Variants in IL17RD observed in about 807,000 individuals in gnomAD.
IL17RD encodes the protein interleukin-17 receptor D.
IL17RD carries 52 observed loss-of-function variants against 80.5 expected under a neutral mutation model. The observed-to-expected ratio is 0.65, with a 90% CI of 0.52 to 0.81. IL17RD has a LOEUF of 0.81. Ranked by LOEUF, IL17RD falls within the 40% of genes least tolerant of loss-of-function variation. The probability of loss-of-function intolerance (pLI) is 0.00; values close to 1 mark genes in which losing one functional copy is unlikely to be tolerated. For synonymous variants in IL17RD, 416 were observed against 391.8 expected, an observed-to-expected ratio of 1.06 and a Z score of -0.73; for missense variants, 1,024 against 955.1, an observed-to-expected ratio of 1.07 and a Z score of -0.95.
At chr3:57,121,819 A>G (rs1039045605) in intron 1 of IL17RD, among the ~76,000 whole-genome samples, 3 of 152,050 alleles carry the variant, frequency 2.0e-5, no homozygotes, top group African/African-American at 7.2e-5. Flanking sequence ...AGACAATCCA[A>G]TCCCCCAAGA....
In IL17RD at chr3:57,103,105, T is replaced by A. The variant is rs755606473; in HGVS notation, c.854A>T (p.Tyr285Phe). The A allele has an allele frequency of 6.2e-7, 1 of 1,601,788 alleles. No homozygotes were observed. The highest frequency in any genetic ancestry group is 8.5e-7 in the Non-Finnish European group (1 of 1,173,464). Reference sequence around the variant, plus strand: ...AAAGCACCTACCTGGCTTTAAGGCATAATGCATCACTTTTCTTGTTGTGTT... The same window carrying A: ...AAAGCACCTACCTGGCTTTAAGGCAAAATGCATCACTTTTCTTGTTGTGTT... The part of the protein sequence containing the change: ...DTNTTRKVMH[Y>F]ALKPVHSPWA... Residue 285 changes from tyrosine to phenylalanine, a missense_variant, in exon 9 of 13, where the codon TAT (tyrosine) becomes TTT (phenylalanine). Physicochemically the swap from Tyr to Phe is conservative, Grantham distance 22 (BLOSUM62 3). Transcript: ENST00000296318.
intron 1 of IL17RD, among the ~76,000 whole-genome samples, chr3:57,159,553 G>A (rs1441432241): frequency 1.3e-5 from 2 of 152,174 alleles, no homozygotes; most frequent in Admixed American, 1.3e-4. Context: ...AAGCAGCCAA[G>A]ACAAACACTG....
At chr3:57,122,877 G>A (rs1707371534) in intron 1 of IL17RD, among the ~76,000 whole-genome samples, 1 of 151,374 alleles carries the variant, frequency 6.6e-6, no homozygotes, top group Non-Finnish European at 1.5e-5. Context: ...ATGCTCCCTA[G>A]TGCATAGGGA....
intron 1 of IL17RD, among the ~76,000 whole-genome samples, chr3:57,147,193 A>T (rs934386686): frequency 6.6e-6 from 1 of 152,122 alleles, no homozygotes. Flanking sequence ...TGATAAAAAG[A>T]CTGCAGCCAG....
chr3:57,165,464 AC>A (rs1407974490), upstream of IL17RD: 1 of 214,362 alleles, frequency 4.7e-6, no homozygotes, highest in African/African-American at 1.4e-4. Flanking sequence ...CCCCGCCCCC[AC>A]AGCCTGGCCC....
At chr3:57,108,145 C>T (rs1480211440) in intron 5 of IL17RD, among the ~76,000 whole-genome samples, 3 of 151,794 alleles carry the variant, frequency 2.0e-5, no homozygotes, top group African/African-American at 4.8e-5. Flanking sequence ...CTGCAACCTC[C>T]GCCTCCCGAG....
chr3:57,161,494 A>T (rs2060304728), intron 1 of IL17RD, among the ~76,000 whole-genome samples: 1 of 152,232 alleles, frequency 6.6e-6, no homozygotes, highest in South Asian at 2.1e-4. Context: ...TGTAAAGATG[A>T]TGCCAGCATC....
intron 1 of IL17RD, among the ~76,000 whole-genome samples, chr3:57,163,508 CA>C (rs1328420760): frequency 6.6e-6 from 1 of 151,514 alleles, no homozygotes; most frequent in African/African-American, 2.4e-5. Context: ...GCAACTGCAG[CA>C]AAACAGTGAA....
At chr3:57,146,784 T>TA (rs1185136802) in intron 1 of IL17RD, among the ~76,000 whole-genome samples, 1 of 145,224 alleles carries the variant, frequency 6.9e-6, no homozygotes, top group Non-Finnish European at 1.5e-5. Flanking sequence ...AAAAATTATA[T>TA]AAACGTCAAT....
Position 57,091,356 on chromosome 3 carries a change from CAAAT to C in IL17RD, c.*5033_*5036del, listed in dbSNP as rs1025345970. The C allele has an allele frequency of 1.3e-5, 2 of 152,344 alleles. No homozygotes were observed. The highest frequency in any genetic ancestry group is 2.4e-5 in the African/African-American group (1 of 41,268). The allele number at this position is 152,344 out of a possible 1,614,324, so 9.4% of individuals were successfully genotyped here. A position where few individuals can be genotyped will look rare whatever the true frequency, so the allele number is the denominator to read the frequency against. ...ATCATCAGGGGAAAAATGTGGCAGT[CAAAT>C]AATTCTCAATGAATATAGGTGACAT... On this transcript the variant is annotated 3_prime_UTR_variant, in exon 13 of 13. Transcript: ENST00000296318.
intron 1 of IL17RD, among the ~76,000 whole-genome samples, chr3:57,157,554 C>T (rs998092574): frequency 1.3e-5 from 2 of 152,202 alleles, no homozygotes; most frequent in Non-Finnish European, 2.9e-5. Flanking sequence ...AAATCCTAAC[C>T]GTGTGAGTGC....
intron 1 of IL17RD, among the ~76,000 whole-genome samples, chr3:57,143,828 G>C (rs1707876174): frequency 1.3e-5 from 2 of 152,180 alleles, no homozygotes; most frequent in African/African-American, 4.8e-5. Context: ...GGCGAGGGGG[G>C]CACCTTCTGG....
chr3:57,102,130 T>G (rs1330040509), intron 10 of IL17RD, among the ~76,000 whole-genome samples: 1 of 152,056 alleles, frequency 6.6e-6, no homozygotes, highest in Non-Finnish European at 1.5e-5. Context: ...TAGCCAGGCA[T>G]GGTGGTGCAT....
intron 1 of IL17RD, among the ~76,000 whole-genome samples, chr3:57,140,956 C>T (rs904784767): frequency 6.6e-6 from 1 of 151,542 alleles, no homozygotes; most frequent in Non-Finnish European, 1.5e-5. Flanking sequence ...TACAGTGGTA[C>T]AATCATGGCT....
chr3:57,110,249 AC>A lies in IL17RD; in HGVS notation c.372del (p.Gln124HisfsTer5). Reference sequence around the variant, plus strand: ...GGATCCTTTAGAATCAGTTGTTGGCACTGTCTTCCCTCCGACTTCAGCTCCT... The same window carrying A: ...GGATCCTTTAGAATCAGTTGTTGGCATGTCTTCCCTCCGACTTCAGCTCCT... ...ILEELKSEGR[Q>X]CQQLILKDPK... On this transcript the variant is annotated frameshift_variant, in exon 4 of 13. Coordinates refer to ENST00000296318, the MANE Select transcript of IL17RD (RefSeq NM_017563.5). LOFTEE classifies it high-confidence loss of function. 6.2e-7 allele frequency: 1 copy of A among 1,609,762 alleles called. No individual in the cohort carries two copies.
At chr3:57,135,716 G>C (rs1579300612) in intron 1 of IL17RD, among the ~76,000 whole-genome samples, 1 of 152,132 alleles carries the variant, frequency 6.6e-6, no homozygotes, top group African/African-American at 2.4e-5. Flanking sequence ...ATAACAAAAA[G>C]AGCCTAATAA....
rs115706543 is a variant in IL17RD at position 57,096,633 on chromosome 3, C to T, written c.2108-128G>A. 3.1e-3 allele frequency: 2,100 copies of T among 688,420 alleles called. 36 individuals are homozygous for T. In the African/African-American group the frequency reaches 0.032, roughly 10 times the overall value. 42.6% of individuals were successfully genotyped at this position (688,420 alleles called of 1,614,324 possible). ...CTCTGTATAAACGAGGCAAGAATCC[C>T]AACCAACTCAAGATGGGGCACTCTC... On this transcript the variant is annotated intron_variant, in intron 12 of 12. Transcript: ENST00000296318.
chr3:57,127,426 A>G (rs1330127240), intron 1 of IL17RD, among the ~76,000 whole-genome samples: 1 of 127,502 alleles, frequency 7.8e-6, no homozygotes, highest in Admixed American at 8.1e-5. Context: ...TTTTTTTGAG[A>G]TAAGAGTCTT....
chr3:57,102,855 A>G (rs956782925), intron 9 of IL17RD, among the ~76,000 whole-genome samples: 2 of 152,176 alleles, frequency 1.3e-5, no homozygotes, highest in Non-Finnish European at 2.9e-5. Flanking sequence ...CCCTCCCACC[A>G]CTTTTCTTCA....
Sources: allele counts gnomAD v4.1 joint callset (sites outside exome capture counted in the v4.1 genomes callset), GRCh38; gene constraint gnomAD v4.1.1; transcripts MANE v1.5; gene names NCBI Gene and HGNC (gene_info 2026-07-23, HGNC 2026-07-21).